The following EFNA5 variants were observed in gnomAD, a reference collection of about 807,000 sequenced individuals.
The protein encoded by EFNA5 is ephrin-A5.
A neutral mutation model predicts 22.9 loss-of-function variants in EFNA5; 5 were observed. The observed-to-expected ratio is 0.22, with a 90% confidence interval of 0.11 to 0.46. The LOEUF (loss-of-function observed/expected upper bound fraction) is 0.46, where lower values mean the gene tolerates loss of function less well. Ranked by LOEUF, EFNA5 falls within the 20% of genes least tolerant of loss-of-function variation. The pLI is 0.99. For synonymous variants in EFNA5, 113 were observed against 112.2 expected, an observed-to-expected ratio of 1.01 and a Z score of -0.04; for missense variants, 237 against 293.3, an observed-to-expected ratio of 0.81 and a Z score of 1.40.
intron 2 of EFNA5, among the ~76,000 whole-genome samples, chr5:107,413,343 C>A (rs66505151): frequency 0.17 from 25,225 of 151,998 alleles, 2,512 homozygotes; most frequent in South Asian, 0.33. Flanking sequence ...TCACTGTTGA[C>A]CTTTAATCAT....
intron 1 of EFNA5, among the ~76,000 whole-genome samples, chr5:107,594,587 A>G (rs1749437740): frequency 6.6e-6 from 1 of 152,222 alleles, no homozygotes; most frequent in Non-Finnish European, 1.5e-5. Context: ...ACCCAAGTTA[A>G]TAGAATGTTC....
At chr5:107,607,871 A>G (rs968413068) in intron 1 of EFNA5, among the ~76,000 whole-genome samples, 1 of 152,148 alleles carries the variant, frequency 6.6e-6, no homozygotes, top group Non-Finnish European at 1.5e-5. Flanking sequence ...TACATCCTTC[A>G]GCATTTCCTC....
intron 1 of EFNA5, among the ~76,000 whole-genome samples, chr5:107,491,483 T>G (rs1746805609): frequency 6.6e-6 from 1 of 152,298 alleles, no homozygotes; most frequent in South Asian, 2.1e-4. Context: ...GGCTACTTTT[T>G]GTATTTTTAG....
intron 1 of EFNA5, among the ~76,000 whole-genome samples, chr5:107,498,663 G>A (rs1747052627): frequency 6.6e-6 from 1 of 152,180 alleles, no homozygotes; most frequent in Admixed American, 6.5e-5. Flanking sequence ...CAGTGACAGC[G>A]GAGCCTTAAG....
chr5:107,618,094 G>A (rs1012175389), intron 1 of EFNA5, among the ~76,000 whole-genome samples: 1 of 151,890 alleles, frequency 6.6e-6, no homozygotes, highest in Non-Finnish European at 1.5e-5. Context: ...GATTTTCTGA[G>A]CTCCTACTAT....
chr5:107,503,357 T>G (rs141015667), intron 1 of EFNA5, among the ~76,000 whole-genome samples: 1 of 152,204 alleles, frequency 6.6e-6, no homozygotes, highest in Non-Finnish European at 1.5e-5. Flanking sequence ...CCTACTTTCA[T>G]TAGCAGTTTT....
At chr5:107,396,501 C>T (rs1035145507) in intron 2 of EFNA5, among the ~76,000 whole-genome samples, 1 of 152,314 alleles carries the variant, frequency 6.6e-6, no homozygotes, top group East Asian at 1.9e-4. Context: ...GGGGATATCC[C>T]TAAGCAGGGG....
At chr5:107,524,226 C>T (rs188913246) in intron 1 of EFNA5, among the ~76,000 whole-genome samples, 1 of 152,282 alleles carries the variant, frequency 6.6e-6, no homozygotes, top group East Asian at 1.9e-4. Flanking sequence ...CACCTATGTT[C>T]CTGGCAGGCC....
At chr5:107,435,330 T>TTTTTTTTTTG (rs1749081330) in intron 1 of EFNA5, among the ~76,000 whole-genome samples, 1 of 149,960 alleles carries the variant, frequency 6.7e-6, no homozygotes, top group Non-Finnish European at 1.5e-5. Context: ...TTTTTTTTTT[T>TTTTTTTTTTG]TTTTTTTGCT....
At chr5:107,416,713 A>C (rs1452644706) in intron 2 of EFNA5, among the ~76,000 whole-genome samples, 1 of 152,206 alleles carries the variant, frequency 6.6e-6, no homozygotes, top group East Asian at 1.9e-4. Flanking sequence ...ATACTGCTTC[A>C]AAACTGACTG....
chr5:107,458,020 T>C (rs1311539779), intron 1 of EFNA5, among the ~76,000 whole-genome samples: 1 of 152,148 alleles, frequency 6.6e-6, no homozygotes, highest in African/African-American at 2.4e-5. Context: ...AGTCCCCTTA[T>C]CTCCTCTTCC....
At chr5:107,392,998 ACTTAGTTTG>A (rs1385837656) in intron 2 of EFNA5, among the ~76,000 whole-genome samples, 1 of 152,360 alleles carries the variant, frequency 6.6e-6, no homozygotes, top group South Asian at 2.1e-4. Context: ...TTCGCATACA[ACTTAGTTTG>A]CTTTTGCTAA....
intron 1 of EFNA5, among the ~76,000 whole-genome samples, chr5:107,432,951 GTAAA>G (rs1474110330): frequency 6.6e-6 from 1 of 152,142 alleles, no homozygotes; most frequent in Non-Finnish European, 1.5e-5. Context: ...CTTAAAAAGA[GTAAA>G]TATATTTTCT....
At chr5:107,520,694 G>C (rs1282075110) in intron 1 of EFNA5, among the ~76,000 whole-genome samples, 1 of 152,312 alleles carries the variant, frequency 6.6e-6, no homozygotes, top group African/African-American at 2.4e-5. Context: ...AGAAGAGCTG[G>C]CCTTCAAACT....
chr5:107,578,429 A>C (rs181239851), intron 1 of EFNA5, among the ~76,000 whole-genome samples: 3 of 152,328 alleles, frequency 2.0e-5, no homozygotes, highest in Admixed American at 2.0e-4. Context: ...ACCAACCCAG[A>C]GAGTCCCAAG....
intron 2 of EFNA5, among the ~76,000 whole-genome samples, chr5:107,417,499 A>C (rs576745342): frequency 6.6e-6 from 1 of 152,328 alleles, no homozygotes; most frequent in Non-Finnish European, 1.5e-5. Flanking sequence ...GAGGTAAGCC[A>C]TATCCCCAGA....
chr5:107,622,730 T>C (rs998557353), intron 1 of EFNA5, among the ~76,000 whole-genome samples: 1 of 151,908 alleles, frequency 6.6e-6, no homozygotes, highest in African/African-American at 2.4e-5. Flanking sequence ...GTCTCAAAAG[T>C]TGAATACTCG....
At position 107,656,447 on chromosome 5, in the gene EFNA5, C is replaced by A. The variant is rs1448910481; in HGVS notation, c.125+14042G>T. Among the ~76,000 whole-genome samples, 7 of 152,200 alleles carry A rather than the reference C, an allele frequency of 4.6e-5. No individual in the cohort carries two copies. In the East Asian group the frequency reaches 1.3e-3, roughly 29 times the overall value. The stretch of plus-strand genomic sequence containing the variant: ...CATCTCTCAGGAACAACATATATTA[C>A]AAAATGATACAATTTGGTCTACCTT... On this transcript the variant is annotated intron_variant, in intron 1 of 4. Coordinates refer to ENST00000333274, the MANE Select transcript of EFNA5 (RefSeq NM_001962.3).
intron 1 of EFNA5, among the ~76,000 whole-genome samples, chr5:107,521,987 A>G (rs1224027868): frequency 1.3e-5 from 2 of 152,072 alleles, no homozygotes; most frequent in Non-Finnish European, 2.9e-5. Context: ...CCATCTTGCT[A>G]GGCATTTTAT....
Sources: allele counts gnomAD v4.1 joint callset (sites outside exome capture counted in the v4.1 genomes callset), GRCh38; gene constraint gnomAD v4.1.1; transcripts MANE v1.5; gene names NCBI Gene and HGNC (gene_info 2026-07-23, HGNC 2026-07-21).